PCYT1B: variants seen among roughly 807,000 people sequenced by gnomAD.
PCYT1B encodes the protein phosphate cytidylyltransferase 1B, choline.
Under a neutral mutation model 26.4 loss-of-function variants are expected in PCYT1B, and 10 were observed. The observed-to-expected ratio is 0.38, with a 90% CI of 0.23 to 0.64. The LOEUF is 0.64. Ranked by LOEUF, PCYT1B falls within the 30% of genes least tolerant of loss-of-function variation. The pLI, the probability that PCYT1B is intolerant of heterozygous loss-of-function variation, is 0.56. For missense variants in PCYT1B, 161 were observed against 292.7 expected (o/e 0.55, Z 3.28); for synonymous variants, 131 against 108.4 (o/e 1.21, Z -1.29).
intron 2 of PCYT1B, 69 bp downstream of exon 2, chrX:24,618,916 C>T: frequency 5.6e-6 from 4 of 711,162 alleles, no homozygotes; most frequent in South Asian, 7.5e-5. Context: ...AGCCACCACG[C>T]CCGGCCCCTT....
At chrX:24,638,103 A>G (rs200891438) in intron 1 of PCYT1B, among the ~76,000 whole-genome samples, 1 of 89,029 alleles carries the variant, frequency 1.1e-5, no homozygotes, top group Admixed American at 1.3e-4. Context: ...TACCGTTGTT[A>G]TTTTTCTTAA....
chrX:24,574,734 T>C (rs759451249), intron 7 of PCYT1B, among the ~76,000 whole-genome samples: 1 of 112,184 alleles, frequency 8.9e-6, no homozygotes, highest in East Asian at 2.8e-4. Flanking sequence ...CAAGATCCCA[T>C]GATCCATGTC....
intron 6 of PCYT1B, among the ~76,000 whole-genome samples, chrX:24,577,915 T>C (rs748133141): frequency 1.8e-5 from 2 of 111,425 alleles, no homozygotes; most frequent in African/African-American, 6.5e-5. Flanking sequence ...CTCTTTGCTT[T>C]TTAACAGCTT....
intron 2 of PCYT1B, among the ~76,000 whole-genome samples, chrX:24,617,978 T>C (rs1317630545): frequency 8.9e-6 from 1 of 111,926 alleles, no homozygotes; most frequent in Non-Finnish European, 1.9e-5. Context: ...GCATGATCAC[T>C]CAGGCCAAAT....
At chrX:24,601,741 C>T (rs1924973699) in intron 3 of PCYT1B, among the ~76,000 whole-genome samples, 1 of 111,566 alleles carries the variant, frequency 9.0e-6, no homozygotes, top group South Asian at 3.7e-4. Context: ...ATTAAAACAA[C>T]CTACTATACA....
intron 7 of PCYT1B, among the ~76,000 whole-genome samples, chrX:24,564,264 T>C (rs1358432527): frequency 1.8e-5 from 2 of 111,830 alleles, no homozygotes; most frequent in South Asian, 7.5e-4. Flanking sequence ...AATGGCAGGA[T>C]TCCTAGTATA....
intron 7 of PCYT1B, among the ~76,000 whole-genome samples, chrX:24,562,711 C>A (rs1264088726): frequency 2.0e-5 from 2 of 99,425 alleles, no homozygotes; most frequent in African/African-American, 3.6e-5. Context: ...ATTACAGTCA[C>A]CACTGGTTCT....
At chrX:24,570,376 C>T (rs1357744473) in intron 7 of PCYT1B, among the ~76,000 whole-genome samples, 1 of 107,385 alleles carries the variant, frequency 9.3e-6, no homozygotes, top group African/African-American at 3.4e-5. Flanking sequence ...GCCTCAGCCT[C>T]CCGAGTAGCT....
chrX:24,591,590 A>G (rs1197176745), intron 3 of PCYT1B, among the ~76,000 whole-genome samples: 2 of 109,378 alleles, frequency 1.8e-5, no homozygotes, highest in African/African-American at 6.7e-5. Flanking sequence ...CACCCAGCCA[A>G]TTTTTGTATT....
At chrX:24,616,793 C>T (rs774991784) in intron 2 of PCYT1B, among the ~76,000 whole-genome samples, 1 of 112,104 alleles carries the variant, frequency 8.9e-6, no homozygotes, top group African/African-American at 3.2e-5. Context: ...GCTACCTCCC[C>T]AACCTTGTTT....
At chrX:24,619,286 C>T (rs1226509221) in intron 1 of PCYT1B, among the ~76,000 whole-genome samples, 9 of 111,779 alleles carry the variant, frequency 8.1e-5, no homozygotes, top group Admixed American at 2.9e-4. Context: ...TTTACTGATG[C>T]TTCAGAAATA....
rs767037075 is a variant in PCYT1B, at chrX:24,656,797, G to A, written c.63+15773C>T. On this transcript the variant is annotated intron_variant, in intron 1 of 7. Coordinates refer to the PCYT1B transcript ENST00000379145. ...TCCCCCAACCTCGGCCTCCCAAAAC[G>A]CTGGGATTACAGGCGTGAGCCACTG... is the stretch of plus-strand genomic sequence containing the variant. Among the ~76,000 whole-genome samples the A allele has an allele frequency of 7.3e-5, 8 of 109,801 alleles. No individual in the cohort carries two copies. In the East Asian group the frequency reaches 2.0e-3, roughly 27 times the overall value.
chrX:24,648,449 A>ATTTTTTTTTTTTTTTTTTTTTTTTTT (rs57744798), upstream of PCYT1B, among the ~76,000 whole-genome samples: 20 of 39,723 alleles, frequency 5.0e-4, 6 homozygotes, highest in African/African-American at 2.8e-3. Flanking sequence ...ATTTGAAGGA[A>ATTTTTTTTTTTTTTTTTTTTTTTTTT]TTTTTTTTTT....
At chrX:24,625,755 T>G (rs189239070) in intron 1 of PCYT1B, among the ~76,000 whole-genome samples, 10 of 98,337 alleles carry the variant, frequency 1.0e-4, no homozygotes, top group Admixed American at 7.2e-4. Context: ...TGATGTCATT[T>G]ATAGTAAAAA....
intron 5 of PCYT1B, 30 bp from the exon 6 acceptor site, chrX:24,579,488 A>C: frequency 8.4e-7 from 1 of 1,188,898 alleles, no homozygotes; most frequent in South Asian, 1.8e-5. Context: ...CGGATAGAGG[A>C]AAAATTAAGA....
chrX:24,643,258 A>G (rs1420284873), intron 1 of PCYT1B, among the ~76,000 whole-genome samples: 1 of 101,962 alleles, frequency 9.8e-6, no homozygotes, highest in Non-Finnish European at 2.0e-5. Flanking sequence ...CCTTGCTCAG[A>G]GGAGTCCTTG....
At chrX:24,585,349 C>T (rs1417485613) in intron 5 of PCYT1B, among the ~76,000 whole-genome samples, 1 of 112,035 alleles carries the variant, frequency 8.9e-6, no homozygotes, top group Non-Finnish European at 1.9e-5. Flanking sequence ...ACATGGCTTA[C>T]TGACATTGCC....
intron 5 of PCYT1B, among the ~76,000 whole-genome samples, chrX:24,585,379 G>A (rs61761913): frequency 0.027 from 3,038 of 112,006 alleles, 54 homozygotes; most frequent in African/African-American, 0.058. Context: ...TTGCCCTCTA[G>A]TAGATTATGG....
chrX:24,609,570 G>T (rs764584895), intron 2 of PCYT1B, among the ~76,000 whole-genome samples: 1 of 112,292 alleles, frequency 8.9e-6, no homozygotes, highest in Non-Finnish European at 1.9e-5. Flanking sequence ...AGAGTTAAAA[G>T]TTACAGAGTT....
Sources: allele counts gnomAD v4.1 joint callset (sites outside exome capture counted in the v4.1 genomes callset), GRCh38; gene constraint gnomAD v4.1.1; transcripts MANE v1.5; gene names NCBI Gene and HGNC (gene_info 2026-07-23, HGNC 2026-07-21).